The following ROR1 variants were observed in gnomAD, a reference collection of about 807,000 sequenced individuals.
ROR1 encodes ROR family WNT receptor 1.
A neutral mutation model predicts 78.8 loss-of-function variants in ROR1; 19 were observed. The observed-to-expected ratio is 0.24, with a 90% CI of 0.17 to 0.35. The LOEUF (loss-of-function observed/expected upper bound fraction) is 0.35. Among genes scored for constraint, ROR1 ranks in the 10% least tolerant of loss-of-function variants. The probability of loss-of-function intolerance (pLI) is 1.00; values close to 1 mark genes in which losing one functional copy is unlikely to be tolerated. For missense variants in ROR1, 917 were observed against 1,177.8 expected, an observed-to-expected ratio of 0.78 and a Z score of 3.24; for synonymous variants, 386 against 433.6, an observed-to-expected ratio of 0.89 and a Z score of 1.36.
At chr1:63,893,550 A>G (rs1645416198) in intron 1 of ROR1, among the ~76,000 whole-genome samples, 1 of 152,212 alleles carries the variant, frequency 6.6e-6, no homozygotes. Context: ...CATGATGTCC[A>G]GGTTAAAAGG....
chr1:63,876,545 A>C (rs1462533211), intron 1 of ROR1, among the ~76,000 whole-genome samples: 1 of 152,062 alleles, frequency 6.6e-6, no homozygotes, highest in African/African-American at 2.4e-5. Context: ...TGAATTTGAG[A>C]AATGGTCTGA....
At chr1:64,176,531 T>A (rs939711526) in intron 8 of ROR1, among the ~76,000 whole-genome samples, 3 of 152,176 alleles carry the variant, frequency 2.0e-5, no homozygotes, top group Admixed American at 2.0e-4. Context: ...GTCACACAGC[T>A]GGTAAGTGGA....
chr1:64,018,294 T>G (rs1456975367), intron 2 of ROR1, among the ~76,000 whole-genome samples: 1 of 152,208 alleles, frequency 6.6e-6, no homozygotes, highest in Non-Finnish European at 1.5e-5. Context: ...CTCAGTTTCC[T>G]GCTTCTCCTT....
At chr1:63,920,308 G>T (rs1645643960) in intron 1 of ROR1, among the ~76,000 whole-genome samples, 1 of 152,198 alleles carries the variant, frequency 6.6e-6, no homozygotes, top group African/African-American at 2.4e-5. Context: ...ACTGGTGATG[G>T]GAGGAGGGAT....
intron 1 of ROR1, among the ~76,000 whole-genome samples, chr1:63,910,327 G>T (rs965098685): frequency 6.6e-6 from 1 of 152,166 alleles, no homozygotes; most frequent in African/African-American, 2.4e-5. Flanking sequence ...CAATGTCCTT[G>T]TTTGTACAAT....
At chr1:64,015,812 T>C (rs1325147197) in intron 2 of ROR1, among the ~76,000 whole-genome samples, 1 of 152,160 alleles carries the variant, frequency 6.6e-6, no homozygotes, top group Non-Finnish European at 1.5e-5. Flanking sequence ...CTTTCTAATA[T>C]TGATAGCACC....
intron 1 of ROR1, among the ~76,000 whole-genome samples, chr1:63,904,977 C>T (rs1275290111): frequency 6.6e-6 from 1 of 152,166 alleles, no homozygotes; most frequent in African/African-American, 2.4e-5. Flanking sequence ...ATCGCACACC[C>T]AGGCTGGTGT....
intron 1 of ROR1, among the ~76,000 whole-genome samples, chr1:63,797,224 T>A (rs1644766588): frequency 6.6e-6 from 1 of 152,156 alleles, no homozygotes; most frequent in Non-Finnish European, 1.5e-5. Context: ...TGGGCATCTG[T>A]TAATTAATTT....
chr1:63,963,217 G>T (rs1234793792), intron 1 of ROR1, among the ~76,000 whole-genome samples: 2 of 152,106 alleles, frequency 1.3e-5, no homozygotes, highest in Non-Finnish European at 2.9e-5. Flanking sequence ...AACTTAATGT[G>T]CCATATGTGA....
chr1:63,868,625 G>A (rs1645231896), intron 1 of ROR1, among the ~76,000 whole-genome samples: 2 of 152,210 alleles, frequency 1.3e-5, no homozygotes, highest in Admixed American at 1.3e-4. Context: ...CTGGCCTAGA[G>A]TTAGCACTTG....
At chr1:64,032,139 G>A (rs905971767) in intron 2 of ROR1, among the ~76,000 whole-genome samples, 2 of 151,716 alleles carry the variant, frequency 1.3e-5, no homozygotes, top group Non-Finnish European at 1.5e-5. Flanking sequence ...TCAGGAGATC[G>A]AGACCATCCT....
intron 1 of ROR1, among the ~76,000 whole-genome samples, chr1:63,891,731 T>G (rs1047943141): frequency 6.6e-6 from 1 of 152,178 alleles, no homozygotes; most frequent in African/African-American, 2.4e-5. Flanking sequence ...TGATGTCACC[T>G]TGAGCTAGGA....
chr1:64,062,012 G>T (rs1646920547), intron 4 of ROR1, among the ~76,000 whole-genome samples: 1 of 152,140 alleles, frequency 6.6e-6, no homozygotes, highest in Non-Finnish European at 1.5e-5. Flanking sequence ...CAGTGTGAAA[G>T]ATTTTTACAG....
At chr1:63,853,460 C>G (rs534592567) in intron 1 of ROR1, among the ~76,000 whole-genome samples, 1 of 152,156 alleles carries the variant, frequency 6.6e-6, no homozygotes, top group Admixed American at 6.5e-5. Flanking sequence ...CAAAGGTGCT[C>G]CTTGGAGCAT....
intron 2 of ROR1, among the ~76,000 whole-genome samples, chr1:64,044,503 C>T (rs1164668456): frequency 6.6e-6 from 1 of 152,128 alleles, no homozygotes; most frequent in East Asian, 1.9e-4. Context: ...GCCAATTGCA[C>T]TTAAGAATAT....
At chr1:63,897,421 G>A (rs1419865078) in intron 1 of ROR1, among the ~76,000 whole-genome samples, 1 of 152,250 alleles carries the variant, frequency 6.6e-6, no homozygotes, top group East Asian at 1.9e-4. Flanking sequence ...GGCACAGATG[G>A]CAGTGTTCAT....
Position 63,916,679 on chromosome 1 carries a change from C to T in ROR1, c.92-92626C>T, listed in dbSNP as rs529208233. On this transcript the variant is annotated intron_variant, in intron 1 of 8. Coordinates refer to ENST00000371079, the MANE Select transcript of ROR1 (RefSeq NM_005012.4). Reference sequence around the variant, plus strand: ...GCTCTGATCAGCTCAAAGGTCCCACCTCCTGATGTGAGACCTCTGCTTCCA... The same window carrying T: ...GCTCTGATCAGCTCAAAGGTCCCACTTCCTGATGTGAGACCTCTGCTTCCA... Among the ~76,000 whole-genome samples the T allele has an allele frequency of 4.6e-5, 7 of 152,296 alleles. No individual in the cohort carries two copies. In the South Asian group the frequency reaches 1.5e-3, roughly 32 times the overall value.
At chr1:64,143,703 G>T (rs2100714643) in intron 7 of ROR1, among the ~76,000 whole-genome samples, 1 of 152,314 alleles carries the variant, frequency 6.6e-6, no homozygotes. Flanking sequence ...ACCCTAAGGA[G>T]GGAGTAGGCA....
chr1:64,171,092 G>T (rs1327714116), intron 8 of ROR1: 8 of 167,892 alleles, frequency 4.8e-5, no homozygotes, highest in Non-Finnish European at 6.2e-5. Flanking sequence ...ACATTTTCGG[G>T]TATCTTTTCA....
Sources: allele counts gnomAD v4.1 joint callset (sites outside exome capture counted in the v4.1 genomes callset), GRCh38; gene constraint gnomAD v4.1.1; transcripts MANE v1.5; gene names NCBI Gene and HGNC (gene_info 2026-07-23, HGNC 2026-07-21).